MARK3: variants seen among roughly 807,000 people sequenced by gnomAD.
MARK3 encodes microtubule affinity regulating kinase 3, also known as MAP/microtubule affinity-regulating kinase 3.
A neutral mutation model predicts 90.1 loss-of-function variants in MARK3; 46 were observed. The ratio of observed to expected loss-of-function variants is 0.51; its 90% CI spans 0.40 to 0.65. The LOEUF (loss-of-function observed/expected upper bound fraction) is 0.65, where lower values mean the gene tolerates loss of function less well. Among genes scored for constraint, MARK3 ranks in the 30% least tolerant of loss-of-function variants. The probability of loss-of-function intolerance (pLI) is 0.00; values close to 1 mark genes in which losing one functional copy is unlikely to be tolerated. For synonymous variants in MARK3, 321 were observed against 332.6 expected (o/e 0.97, Z 0.38); for missense variants, 818 against 947.2 (o/e 0.86, Z 1.79).
chr14:103,471,818 A>G (rs569061820), intron 12 of MARK3, among the ~76,000 whole-genome samples: 9 of 86,226 alleles, frequency 1.0e-4, no homozygotes, highest in South Asian at 9.6e-4. Context: ...TTACTAATCA[A>G]TGAGTGGTAT....
intron 2 of MARK3, among the ~76,000 whole-genome samples, chr14:103,416,870 G>C (rs1435910806): frequency 6.6e-6 from 1 of 152,216 alleles, no homozygotes; most frequent in African/African-American, 2.4e-5. Context: ...GTAGGAGCTT[G>C]TAGAAATTTT....
intron 5 of MARK3, among the ~76,000 whole-genome samples, chr14:103,454,756 G>A (rs1444469455): frequency 1.3e-5 from 2 of 152,126 alleles, no homozygotes; most frequent in South Asian, 2.1e-4. Context: ...TTAGGGCAGC[G>A]GTCTAATTTT....
Position 103,500,136 on chromosome 14 carries a change from T to G in MARK3, c.1872-20T>G. Reference sequence around the variant, plus strand: ...TTTCTCTTTCCCTCTTCTCTCTGCTTCTACATTCTGTTCATTGAGGCTTCC... The same window carrying G: ...TTTCTCTTTCCCTCTTCTCTCTGCTGCTACATTCTGTTCATTGAGGCTTCC... On this transcript the variant is annotated intron_variant, in intron 16 of 17. Coordinates refer to ENST00000429436, the MANE Select transcript of MARK3 (RefSeq NM_001128918.3). The G allele has an allele frequency of 1.2e-6, 2 of 1,604,190 alleles. No individual in the cohort carries two copies. Among genetic ancestry groups the G allele is most frequent in the East Asian group, 2.2e-5 (1 of 44,840 alleles).
At chr14:103,415,847 C>T (rs951479969) in intron 2 of MARK3, among the ~76,000 whole-genome samples, 1 of 152,170 alleles carries the variant, frequency 6.6e-6, no homozygotes, top group Non-Finnish European at 1.5e-5. Flanking sequence ...TTTTCCTCAG[C>T]ATTATTACTC....
intron 2 of MARK3, among the ~76,000 whole-genome samples, chr14:103,427,430 A>C (rs1034074582): frequency 1.4e-5 from 2 of 140,792 alleles, no homozygotes; most frequent in African/African-American, 5.2e-5. Context: ...AACTTGGGAG[A>C]TGGAGGTTGC....
At chr14:103,446,573 G>A (rs1320030378) in intron 3 of MARK3, among the ~76,000 whole-genome samples, 2 of 152,014 alleles carry the variant, frequency 1.3e-5, no homozygotes, top group East Asian at 1.9e-4. Context: ...AAGGAGTTGG[G>A]GTGACTAGAA....
At chr14:103,428,463 T>C (rs1341914241) in intron 3 of MARK3, 23 bp downstream of exon 3, 2 of 1,429,636 alleles carry the variant, frequency 1.4e-6, no homozygotes, top group Non-Finnish European at 1.9e-6. Flanking sequence ...CAATGTCTAG[T>C]ACTTTTTAAA....
At chr14:103,419,494 T>C (rs1022063794) in intron 2 of MARK3, among the ~76,000 whole-genome samples, 5 of 152,194 alleles carry the variant, frequency 3.3e-5, no homozygotes, top group Non-Finnish European at 7.3e-5. Context: ...AGCAAATTAT[T>C]GAAAAGAGTG....
chr14:103,387,334 CTGAG>C (rs1397305562), intron 1 of MARK3, among the ~76,000 whole-genome samples: 14 of 152,208 alleles, frequency 9.2e-5, no homozygotes, highest in Admixed American at 2.0e-4. Flanking sequence ...CTCTGTGGCC[CTGAG>C]TAAGTAGAAC....
chr14:103,422,322 G>T (rs1269815792), intron 2 of MARK3, among the ~76,000 whole-genome samples: 1 of 152,182 alleles, frequency 6.6e-6, no homozygotes, highest in Non-Finnish European at 1.5e-5. Context: ...TGGGCATGGT[G>T]TGTGTGCCTG....
chr14:103,472,006 C>G (rs947111102), intron 12 of MARK3, among the ~76,000 whole-genome samples: 1 of 151,822 alleles, frequency 6.6e-6, no homozygotes. Context: ...GTCAGGAGAT[C>G]GAGACCATCC....
Position 103,448,975 on chromosome 14 carries a change from C to T in MARK3, c.346+8C>T. 1 of 1,560,782 alleles carries T rather than the reference C, an allele frequency of 6.4e-7. No individual in the cohort carries two copies. The highest frequency in any genetic ancestry group is 8.7e-7 in the Non-Finnish European group (1 of 1,148,538). On this transcript the variant is annotated splice_region_variant and intron_variant, in intron 4 of 17. Transcript: ENST00000429436. ...TAAATCATCCCAATATAGGTACTTT[C>T]TGCTTTTTTAAATATTTTGGGGTCT... is the stretch of plus-strand genomic sequence containing the variant.
At chr14:103,436,219 CCAAATA>C (rs1369917749) in intron 3 of MARK3, among the ~76,000 whole-genome samples, 1 of 152,038 alleles carries the variant, frequency 6.6e-6, no homozygotes, top group African/African-American at 2.4e-5. Context: ...GACCCCTTCC[CCAAATA>C]TTCTAAGTTT....
At chr14:103,459,578 C>T (rs12890600) in intron 6 of MARK3, among the ~76,000 whole-genome samples, 6 of 152,146 alleles carry the variant, frequency 3.9e-5, no homozygotes, top group Admixed American at 1.3e-4. Context: ...CAGCTCACTG[C>T]AACCTCCGCC....
In MARK3 at chr14:103,501,521, G is replaced by A. The variant is rs534507197; in HGVS notation, c.1916+1321G>A. Among the ~76,000 whole-genome samples the A allele has an allele frequency of 3.9e-5, 6 of 152,128 alleles. No individual in the cohort carries two copies. In the South Asian group the frequency reaches 6.3e-4, roughly 16 times the overall value. On this transcript the variant is annotated intron_variant, in intron 17 of 17. Transcript: ENST00000429436. ...CCTGTACTTTCCTACCTCCCCTTTG[G>A]CTGTGATCCCCTCTACTCAAAACAA...
chr14:103,488,603 C>G (rs2093970023), intron 14 of MARK3, among the ~76,000 whole-genome samples: 1 of 152,166 alleles, frequency 6.6e-6, no homozygotes, highest in African/African-American at 2.4e-5. Flanking sequence ...GCCTATAATC[C>G]CAGCACTTTG....
intron 14 of MARK3, among the ~76,000 whole-genome samples, chr14:103,483,732 G>A (rs940885412): frequency 2.0e-5 from 3 of 152,198 alleles, no homozygotes; most frequent in African/African-American, 7.2e-5. Flanking sequence ...ACTTTCTGCT[G>A]TAATTATTCT....
At chr14:103,394,367 C>T (rs1298727626) in intron 1 of MARK3, among the ~76,000 whole-genome samples, 3 of 152,090 alleles carry the variant, frequency 2.0e-5, no homozygotes, top group East Asian at 3.9e-4. Flanking sequence ...TTGTACTCAC[C>T]CGTCTGCACC....
At chr14:103,493,352 G>A (rs2075123071) in intron 15 of MARK3, among the ~76,000 whole-genome samples, 1 of 150,092 alleles carries the variant, frequency 6.7e-6, no homozygotes, top group African/African-American at 2.5e-5. Flanking sequence ...CCTAGATTAG[G>A]GAGGATCTCT....
Sources: gnomAD v4.1 joint callset for allele counts (sites outside exome capture counted in the v4.1 genomes callset) on GRCh38, gnomAD v4.1.1 for gene constraint, MANE v1.5 for transcripts, NCBI Gene and HGNC (gene_info 2026-07-23, HGNC 2026-07-21) for gene names.